Variants in VIPR1 observed in about 807,000 individuals in gnomAD.
VIPR1 encodes vasoactive intestinal polypeptide receptor 1.
Under a neutral mutation model 58.8 loss-of-function variants are expected in VIPR1, and 59 were observed. The ratio of observed to expected loss-of-function variants is 1.00; its 90% confidence interval spans 0.81 to 1.25. The LOEUF (loss-of-function observed/expected upper bound fraction) is 1.25. Ranked by LOEUF, VIPR1 falls within the 50% of genes most tolerant of loss-of-function variation. VIPR1 has a pLI of 0.00. For synonymous variants in VIPR1, 251 were observed against 242.1 expected (o/e 1.04, Z -0.34); for missense variants, 626 against 602.7 (o/e 1.04, Z -0.40).
chr3:42,497,119 A>G (rs1034614285), intron 1 of VIPR1, among the ~76,000 whole-genome samples: 1 of 152,176 alleles, frequency 6.6e-6, no homozygotes, highest in Non-Finnish European at 1.5e-5. Context: ...AGGACTGGGA[A>G]GAGGGAGGTT....
intron 1 of VIPR1, among the ~76,000 whole-genome samples, chr3:42,490,648 T>A (rs1178387038): frequency 6.6e-6 from 1 of 152,042 alleles, no homozygotes; most frequent in Non-Finnish European, 1.5e-5. Flanking sequence ...TGCCTCCAGG[T>A]ACCCTAGAGA....
chr3:42,522,903 G>A (rs1161057663), intron 3 of VIPR1, among the ~76,000 whole-genome samples: 1 of 152,202 alleles, frequency 6.6e-6, no homozygotes, highest in Non-Finnish European at 1.5e-5. Flanking sequence ...TAGTGAGTGG[G>A]AGGAGACTGG....
chr3:42,511,842 T>C (rs779148470), intron 1 of VIPR1: 1 of 152,122 alleles, frequency 6.6e-6, no homozygotes, highest in Non-Finnish European at 1.5e-5. Context: ...ATTCCCCCTA[T>C]ACTTGAGGAT....
chr3:42,512,985 C>T, intron 1 of VIPR1: 1 of 975,648 alleles, frequency 1.0e-6, no homozygotes, highest in Non-Finnish European at 1.2e-6. Context: ...TGGCCCACCC[C>T]TGATCCCTGG....
In VIPR1 at chr3:42,517,852, T is replaced by C. The variant is rs545721581; in HGVS notation, c.185-1371T>C. On this transcript the variant is annotated intron_variant, in intron 2 of 12. Transcript: ENST00000325123. ...TTAGCCGGGTGTGGTGGTGGGCTCC[T>C]GTAATCCCAGCTACTCAGAAGGCTG... 6.6e-5 allele frequency among the ~76,000 whole-genome samples: 10 copies of C among 152,248 alleles called. No individual in the cohort carries two copies. The East Asian group carries it at 1.9e-3, about 29-fold the overall frequency.
intron 1 of VIPR1, among the ~76,000 whole-genome samples, chr3:42,495,335 A>C (rs1216227662): frequency 2.0e-5 from 3 of 152,038 alleles, no homozygotes; most frequent in South Asian, 2.1e-4. Context: ...GTTAGCCAGG[A>C]TGGTTTCCAT....
In VIPR1 at chr3:42,523,622, C is replaced by CACAT. The variant is rs1701071767; in HGVS notation, c.293-2262_293-2261insTACA. ...CCGCCACTACACACACACACACACACACACACACACACACACACGGCATGT... is the reference window on the plus strand; with the variant it reads ...CCGCCACTACACACACACACACACACACATACACACACACACACACACGGCATGT... On this transcript the variant is annotated intron_variant, in intron 3 of 12. Transcript: ENST00000325123. Among the ~76,000 whole-genome samples the CACAT allele has an allele frequency of 2.7e-5, 4 of 147,744 alleles. No homozygotes were observed. In the South Asian group the frequency reaches 8.8e-4, roughly 32 times the overall value.
Position 42,525,888 on chromosome 3 carries a change from C to G in VIPR1, c.294C>G (p.Gly98=), listed in dbSNP as rs572247711. The change falls in exon 4 of 13, where the codon GGC becomes GGG. Residue 98 remains glycine (G), a splice_region_variant and synonymous_variant. Coordinates refer to ENST00000325123, the MANE Select transcript of VIPR1 (RefSeq NM_004624.4). The part of the protein sequence containing the change: ...LIFKLFSSIQ[G]RNVSRSCTDE... ...TCCTTGCCCCTGCCCTCCACCCAGG[C>G]CGCAATGTAAGCCGCAGCTGCACCG... The G allele has an allele frequency of 6.2e-7, 1 of 1,607,822 alleles. No individual in the cohort carries two copies. Among genetic ancestry groups the G allele is most frequent in the Non-Finnish European group, 8.5e-7 (1 of 1,177,410 alleles).
At chr3:42,502,864 G>C in intron 1 of VIPR1, 51 bp downstream of exon 1, 1 of 1,221,018 alleles carries the variant, frequency 8.2e-7, no homozygotes, top group Admixed American at 4.2e-5. Flanking sequence ...GGGTTGCGGA[G>C]GGCGGGGGAG....
chr3:42,511,977 A>G (rs970290147), intron 1 of VIPR1: 2 of 152,224 alleles, frequency 1.3e-5, no homozygotes, highest in Admixed American at 1.3e-4. Flanking sequence ...GAAGTCTCCT[A>G]TCTTTTAACA....
intron 12 of VIPR1, 50 bp from the exon 13 acceptor site, chr3:42,536,040 A>C (rs1404618082): frequency 6.6e-7 from 1 of 1,518,222 alleles, no homozygotes; most frequent in Admixed American, 2.0e-5. Flanking sequence ...CCCAATCAGC[A>C]GTGGAAGAGG....
upstream of VIPR1, among the ~76,000 whole-genome samples, chr3:42,498,133 G>A (rs978576883): frequency 6.6e-6 from 1 of 152,190 alleles, no homozygotes; most frequent in South Asian, 2.1e-4. Context: ...CCCCTCTGTG[G>A]CAGCTGCAAA....
At chr3:42,494,286 T>C (rs183812989) in intron 1 of VIPR1, among the ~76,000 whole-genome samples, 1 of 151,764 alleles carries the variant, frequency 6.6e-6, no homozygotes, top group Non-Finnish European at 1.5e-5. Context: ...GGAAATGCAG[T>C]TTTTTTTTAC....
At chr3:42,534,004 A>T (rs1701715925) in intron 10 of VIPR1, 1 of 152,458 alleles carries the variant, frequency 6.6e-6, no homozygotes, top group Non-Finnish European at 1.5e-5. Context: ...CTATGAGGTC[A>T]GGTGGCTGGG....
rs566690014 is a variant in VIPR1, at chr3:42,515,659, C to T, written c.184+1805C>T. 3.9e-5 allele frequency among the ~76,000 whole-genome samples: 6 copies of T among 152,330 alleles called. No individual in the cohort carries two copies. In the South Asian group the frequency reaches 1.0e-3, roughly 26 times the overall value. ...CATAGGTTGTGGCCATGGGTCTGCC[C>T]GTGACCTTCTGTAGGGCTCTGTGCG... On this transcript the variant is annotated intron_variant, in intron 2 of 12. Coordinates refer to ENST00000325123, the MANE Select transcript of VIPR1 (RefSeq NM_004624.4).
At chr3:42,507,443 C>G (rs1288328653) in intron 1 of VIPR1, 1 of 152,330 alleles carries the variant, frequency 6.6e-6, no homozygotes, top group African/African-American at 2.4e-5. Flanking sequence ...CAAGTTCTTC[C>G]TGCACAGCAG....
intron 6 of VIPR1, chr3:42,528,351 C>T (rs1701351884): frequency 1.0e-5 from 6 of 586,618 alleles, no homozygotes; most frequent in Middle Eastern, 4.7e-4. Flanking sequence ...TGCTCACAGA[C>T]CTGCCGCCGC....
upstream of VIPR1, chr3:42,502,180 T>C (rs1409066818): frequency 2.0e-5 from 3 of 152,338 alleles, no homozygotes; most frequent in Admixed American, 2.0e-4. Flanking sequence ...TAAGTGGCAC[T>C]TCCTGTCTCG....
chr3:42,531,791 C>T lies in VIPR1; in HGVS notation c.852-12C>T, dbSNP rs376264627. ...GGACAATCCCTCTCATTCCTCCCCA[C>T]GGTCTGCTCAGGTGCTGGGACACCA... On this transcript the variant is annotated splice_polypyrimidine_tract_variant and intron_variant, in intron 8 of 12. Transcript: ENST00000325123. The T allele has an allele frequency of 5.5e-5, 88 of 1,614,002 alleles. No homozygotes were observed. The highest frequency in any genetic ancestry group is 3.9e-4 in the African/African-American group (29 of 74,912).
Sources: gnomAD v4.1 joint callset for allele counts (sites outside exome capture counted in the v4.1 genomes callset) on GRCh38, gnomAD v4.1.1 for gene constraint, MANE v1.5 for transcripts, NCBI Gene and HGNC (gene_info 2026-07-23, HGNC 2026-07-21) for gene names.